MIAT: variants seen among roughly 807,000 people sequenced by gnomAD.
The protein encoded by MIAT is myocardial infarction associated transcript.
downstream of MIAT, chr22:26,673,121 T>C (rs1485125919): frequency 1.5e-5 from 6 of 398,536 alleles, no homozygotes; most frequent in Non-Finnish European, 2.7e-5. Flanking sequence ...GCTCGGAGTT[T>C]GCAGGAGAGA....
At chr22:26,646,927 A>G (rs1235136504) in exon 1 of MIAT, 1 of 398,550 alleles carries the variant, frequency 2.5e-6, no homozygotes, top group Non-Finnish European at 4.4e-6. Flanking sequence ...AGAGCAAGAG[A>G]TGAAGACGGC....
exon 4 of MIAT, chr22:26,665,584 A>G: frequency 2.5e-6 from 1 of 398,934 alleles, no homozygotes; most frequent in Non-Finnish European, 4.4e-6. Flanking sequence ...CAGGTTCTTC[A>G]GGACGTTCAC....
exon 3 of MIAT, chr22:26,663,378 G>C (rs1430703757): frequency 2.5e-6 from 1 of 398,498 alleles, no homozygotes; most frequent in Non-Finnish European, 4.4e-6. Flanking sequence ...TGACCCCGTC[G>C]GCATCACAGG....
intron 2 of MIAT, among the ~76,000 whole-genome samples, chr22:26,649,081 TGAGA>T (rs148505081): frequency 5.3e-5 from 8 of 150,828 alleles, no homozygotes; most frequent in African/African-American, 9.7e-5. Flanking sequence ...CATACTAATG[TGAGA>T]GAGAGAGAGA....
intron 2 of MIAT, among the ~76,000 whole-genome samples, chr22:26,655,380 C>T (rs143797350): frequency 4.6e-5 from 7 of 152,308 alleles, no homozygotes; most frequent in African/African-American, 9.6e-5. Flanking sequence ...GAGTGCCTTA[C>T]GGTGTCTGTG....
intron 2 of MIAT, among the ~76,000 whole-genome samples, chr22:26,648,505 C>G (rs957478029): frequency 3.3e-5 from 5 of 151,076 alleles, no homozygotes; most frequent in Non-Finnish European, 4.4e-5. Flanking sequence ...CCATAAAATA[C>G]AGATGCTGGG....
intron 5 of MIAT, chr22:26,667,374 ATGCCTGTGTGTGTG>A (rs1930886897): frequency 2.6e-6 from 1 of 388,800 alleles, no homozygotes; most frequent in South Asian, 1.4e-4. Context: ...ATGTGTGTGC[ATGCCTGTGTGTGTG>A]TGCATGCGTG....
chr22:26,675,013 GATGT>G, exon 5 of MIAT: 1 of 398,800 alleles, frequency 2.5e-6, no homozygotes, highest in Non-Finnish European at 4.4e-6. Context: ...AGACAAGATT[GATGT>G]GCACCTACTC....
chr22:26,669,094 T>C, exon 6 of MIAT: 1 of 398,640 alleles, frequency 2.5e-6, no homozygotes, highest in Non-Finnish European at 4.4e-6. Context: ...ATTCTGTTCT[T>C]GGGGAACAGA....
intron 2 of MIAT, among the ~76,000 whole-genome samples, chr22:26,660,073 T>C (rs1655868681): frequency 6.6e-6 from 1 of 151,276 alleles, no homozygotes; most frequent in Admixed American, 6.6e-5. Context: ...TCACCTCAAG[T>C]GATCTGCCCG....
chr22:26,646,702 G>A (rs939015233), exon 1 of MIAT: 12 of 398,518 alleles, frequency 3.0e-5, no homozygotes, highest in Non-Finnish European at 5.3e-5. Flanking sequence ...TGCATTTATA[G>A]CATTTATCCC....
At chr22:26,675,251 A>C in exon 5 of MIAT, 1 of 398,898 alleles carries the variant, frequency 2.5e-6, no homozygotes, top group Non-Finnish European at 4.4e-6. Context: ...AGTGGTGGAC[A>C]CCAGTTTCTG....
At chr22:26,649,861 C>T (rs139042309) in intron 2 of MIAT, among the ~76,000 whole-genome samples, 34 of 152,164 alleles carry the variant, frequency 2.2e-4, no homozygotes, top group African/African-American at 5.5e-4. Context: ...TGTAGTGAGC[C>T]GAGATCATGC....
intron 3 of MIAT, among the ~76,000 whole-genome samples, chr22:26,664,048 G>C: frequency 7.2e-6 from 1 of 138,768 alleles, no homozygotes. Flanking sequence ...ATCTCGCTCT[G>C]CTGTTTGGGC....
chr22:26,667,351 T>TGC (rs1555949608), intron 5 of MIAT: 4 of 397,292 alleles, frequency 1.0e-5, no homozygotes. Context: ...TGTGTGTGTG[T>TGC]GTGCGTGTGC....
rs192852271 is a variant in MIAT at position 26,654,001 on chromosome 22, A to G, written n.646+6690A>G. 7.4e-4 allele frequency among the ~76,000 whole-genome samples: 113 copies of G among 152,204 alleles called. No individual in the cohort carries two copies. The Middle Eastern group carries it at 0.01, about 14-fold the overall frequency. On this transcript the variant is annotated intron_variant and non_coding_transcript_variant, in intron 2 of 5. Transcript: ENST00000643270. ...GGTGATCCGCCCACCTCGCCTCCCA[A>G]AGTGCTGGGATTACAGGCGTGAGCC...
chr22:26,656,884 G>A (rs1042832487), intron 2 of MIAT, among the ~76,000 whole-genome samples: 1 of 152,126 alleles, frequency 6.6e-6, no homozygotes, highest in South Asian at 2.1e-4. Flanking sequence ...ACTTCAGCCG[G>A]GGTGACAGAG....
chr22:26,650,900 G>A (rs556995985), intron 2 of MIAT, among the ~76,000 whole-genome samples: 29 of 152,274 alleles, frequency 1.9e-4, no homozygotes, highest in African/African-American at 6.7e-4. Flanking sequence ...GGCTGACCTC[G>A]GATAAGTCAC....
chr22:26,668,470 T>A, exon 6 of MIAT: 1 of 398,914 alleles, frequency 2.5e-6, no homozygotes, highest in Non-Finnish European at 4.4e-6. Flanking sequence ...CTGGGCCCTA[T>A]TGTCTGGGTC....
Sources: gnomAD v4.1 joint callset for allele counts (sites outside exome capture counted in the v4.1 genomes callset) on GRCh38, gnomAD v4.1.1 for gene constraint, MANE v1.5 for transcripts, NCBI Gene and HGNC (gene_info 2026-07-23, HGNC 2026-07-21) for gene names.